Variants in MOGAT1 observed in about 807,000 individuals in gnomAD.
MOGAT1 encodes the protein monoacylglycerol O-acyltransferase 1, also known as 2-acylglycerol O-acyltransferase 1.
MOGAT1 carries 32 observed loss-of-function variants against 31.4 expected under a neutral mutation model. The ratio of observed to expected loss-of-function variants is 1.02; its 90% confidence interval spans 0.77 to 1.37. The LOEUF is 1.37. MOGAT1 is among the 40% of genes most tolerant of loss of function. The pLI is 0.00. For missense variants in MOGAT1, 426 were observed against 402.0 expected (o/e 1.06, Z -0.51); for synonymous variants, 145 against 144.5 (o/e 1.00, Z -0.03).
chr2:222,705,815 T>C (rs1183347819), intron 5 of MOGAT1, among the ~76,000 whole-genome samples: 2 of 152,216 alleles, frequency 1.3e-5, no homozygotes, highest in Non-Finnish European at 2.9e-5. Flanking sequence ...TCAGGGCAGC[T>C]ATATTGGAAC....
At chr2:222,680,969 T>A (rs1311441101) in intron 1 of MOGAT1, among the ~76,000 whole-genome samples, 1 of 152,070 alleles carries the variant, frequency 6.6e-6, no homozygotes, top group Non-Finnish European at 1.5e-5. Context: ...GCTAGGTGAG[T>A]GGAATGGAGT....
intron 1 of MOGAT1, among the ~76,000 whole-genome samples, chr2:222,683,626 G>T (rs1254336262): frequency 3.3e-5 from 5 of 152,052 alleles, no homozygotes; most frequent in Non-Finnish European, 7.4e-5. Flanking sequence ...TACTTGTGAG[G>T]CTGAGGCAGG....
intron 5 of MOGAT1, among the ~76,000 whole-genome samples, chr2:222,705,048 T>G (rs1428637381): frequency 6.6e-6 from 1 of 152,184 alleles, no homozygotes; most frequent in Admixed American, 6.5e-5. Context: ...TGGTTATTTT[T>G]TTGGTTATTT....
chr2:222,672,011 G>A, intron 1 of MOGAT1, 132 bp downstream of exon 1: 1 of 685,814 alleles, frequency 1.5e-6, no homozygotes, highest in Non-Finnish European at 2.5e-6. Flanking sequence ...GGTCAAAGAG[G>A]GCATTTGGAG....
At chr2:222,689,231 T>C in intron 2 of MOGAT1, 34 bp from the exon 3 acceptor site, 1 of 1,507,242 alleles carries the variant, frequency 6.6e-7, no homozygotes, top group South Asian at 1.3e-5. Context: ...GGGAAGTTTC[T>C]TTTTTTTAAA....
chr2:222,688,506 A>G lies in MOGAT1; in HGVS notation c.257A>G (p.Asp86Gly), dbSNP rs748119003. ...TGGACTCTTTGGAAACACTTTAAGG[A>G]CTATTTTCCAATTCATGTGAGTACA... ...KNWTLWKHFK[D>G]YFPIHLIKTQ... is the part of the protein sequence containing the mutation. The change falls in exon 2 of 6, where the codon GAC (aspartate) becomes GGC (glycine). Residue 86 changes from aspartate to glycine, a missense_variant. Transcript: ENST00000446656. 2 of 1,610,068 alleles carry G rather than the reference A, an allele frequency of 1.2e-6. No homozygotes were observed. Among genetic ancestry groups the G allele is most frequent in the Non-Finnish European group, 8.5e-7 (1 of 1,178,560 alleles).
intron 1 of MOGAT1, among the ~76,000 whole-genome samples, chr2:222,682,545 C>T (rs13385840): frequency 0.026 from 4,018 of 152,124 alleles, 165 homozygotes; most frequent in African/African-American, 0.087. Flanking sequence ...TCATTTTGTC[C>T]CTTTATTGGT....
Position 222,709,830 on chromosome 2 carries a change from G to T in MOGAT1, c.948G>T (p.Leu316Phe). The T allele has an allele frequency of 6.2e-7, 1 of 1,613,590 alleles. No individual in the cohort carries two copies. Among genetic ancestry groups the T allele is most frequent in the Non-Finnish European group, 8.5e-7 (1 of 1,179,692 alleles). ...HQTYMEELRK[L>F]FEEHKGKYGI... ...CCTATATGGAGGAACTTAGGAAATT[G>T]TTTGAGGAACACAAAGGAAAGTATG... The change falls in exon 6 of 6, where the codon TTG becomes TTT. Residue 316 changes from leucine to phenylalanine, a missense_variant. By Grantham distance (22) the Leu-to-Phe change is conservative. Coordinates refer to ENST00000446656, the MANE Select transcript of MOGAT1 (RefSeq NM_058165.3).
chr2:222,682,533 T>A (rs1692596702), intron 1 of MOGAT1, among the ~76,000 whole-genome samples: 1 of 152,208 alleles, frequency 6.6e-6, no homozygotes, highest in Admixed American at 6.5e-5. Context: ...GGAGGCATCA[T>A]GTCATTTTGT....
intron 1 of MOGAT1, among the ~76,000 whole-genome samples, chr2:222,685,303 G>T (rs1267226061): frequency 1.3e-5 from 2 of 152,250 alleles, no homozygotes; most frequent in Non-Finnish European, 2.9e-5. Flanking sequence ...CCAGTTCTGT[G>T]CCAGGAACTG....
At chr2:222,694,311 G>A (rs538358095) in intron 3 of MOGAT1, 51 bp from the exon 4 acceptor site, 1 of 1,450,436 alleles carries the variant, frequency 6.9e-7, no homozygotes. Context: ...ATAAAACATT[G>A]TAATATTGTT....
chr2:222,694,158 C>T (rs1404182704), intron 3 of MOGAT1, among the ~76,000 whole-genome samples: 2 of 152,110 alleles, frequency 1.3e-5, no homozygotes, highest in South Asian at 2.1e-4. Context: ...AGACCTAGCC[C>T]ATTACCTGCC....
intron 1 of MOGAT1, among the ~76,000 whole-genome samples, chr2:222,685,779 T>G (rs1692656065): frequency 6.6e-6 from 1 of 151,946 alleles, no homozygotes; most frequent in South Asian, 2.1e-4. Context: ...TTTTGTATTT[T>G]TAGTAGAGAC....
chr2:222,691,194 TTTTTATTTTA>T (rs1175352956), intron 3 of MOGAT1, among the ~76,000 whole-genome samples: 1 of 151,752 alleles, frequency 6.6e-6, no homozygotes, highest in South Asian at 2.1e-4. Context: ...ATTTATTTAT[TTTTTATTTTA>T]TTTTATTTTA....
chr2:222,672,704 T>C lies in MOGAT1; in HGVS notation c.94+825T>C, dbSNP rs370666763. On this transcript the variant is annotated intron_variant, in intron 1 of 5. Transcript: ENST00000446656. ...AGATCATGTGTATGCTGTAAGATCATGGATTGTACAGCGTTGGGGTGGTAA... is the reference window on the plus strand; with the variant it reads ...AGATCATGTGTATGCTGTAAGATCACGGATTGTACAGCGTTGGGGTGGTAA... Among the ~76,000 whole-genome samples the C allele has an allele frequency of 5.9e-5, 9 of 152,190 alleles. 1 individual carries two copies. In the East Asian group the frequency reaches 9.7e-4, roughly 16 times the overall value.
At chr2:222,682,140 G>A (rs1365314928) in intron 1 of MOGAT1, among the ~76,000 whole-genome samples, 1 of 151,820 alleles carries the variant, frequency 6.6e-6, no homozygotes, top group African/African-American at 2.4e-5. Context: ...ACACACATAC[G>A]TGTGCACACA....
Position 222,709,719 on chromosome 2 carries a change from T to G in MOGAT1, c.854-17T>G. ...TGGTTTTAGTTCCTCACGTATGATGTATTCCCTGATTTGCAGTTGGCCGCC... is the reference window on the plus strand; with the variant it reads ...TGGTTTTAGTTCCTCACGTATGATGGATTCCCTGATTTGCAGTTGGCCGCC... On this transcript the variant is annotated splice_polypyrimidine_tract_variant and intron_variant, in intron 5 of 5. Transcript: ENST00000446656. 1 of 1,611,566 alleles carries G rather than the reference T, an allele frequency of 6.2e-7. No individual in the cohort carries two copies. Among genetic ancestry groups the G allele is most frequent in the Non-Finnish European group, 8.5e-7 (1 of 1,178,804 alleles).
chr2:222,676,707 G>C (rs1178869039), intron 1 of MOGAT1, among the ~76,000 whole-genome samples: 1 of 152,188 alleles, frequency 6.6e-6, no homozygotes, highest in Non-Finnish European at 1.5e-5. Context: ...CTCACTGGCA[G>C]GGCATGAGAG....
intron 5 of MOGAT1, among the ~76,000 whole-genome samples, chr2:222,701,272 AAAAG>A (rs1191300512): frequency 7.9e-6 from 1 of 126,994 alleles, no homozygotes; most frequent in East Asian, 2.0e-4. Context: ...GAAAGAGAGA[AAAAG>A]AGAGAGAGAG....
Sources: allele counts gnomAD v4.1 joint callset (sites outside exome capture counted in the v4.1 genomes callset), GRCh38; gene constraint gnomAD v4.1.1; transcripts MANE v1.5; gene names NCBI Gene and HGNC (gene_info 2026-07-23, HGNC 2026-07-21).